KLHL29: variants seen among roughly 807,000 people sequenced by gnomAD.
KLHL29 encodes the protein kelch like family member 29, also known as kelch-like protein 29.
Under a neutral mutation model 80.4 loss-of-function variants are expected in KLHL29, and 21 were observed. The observed-to-expected ratio is 0.26, with a 90% confidence interval of 0.19 to 0.38. The LOEUF (loss-of-function observed/expected upper bound fraction) is 0.38. Ranked by LOEUF, KLHL29 falls within the 10% of genes least tolerant of loss-of-function variation. The pLI, the probability that KLHL29 is intolerant of heterozygous loss-of-function variation, is 1.00. For synonymous variants in KLHL29, 511 were observed against 526.8 expected (o/e 0.97, Z 0.41); for missense variants, 867 against 1,223.9 (o/e 0.71, Z 4.35).
At chr2:23,697,287 CTT>C (rs1672022565) in intron 11 of KLHL29, 1 of 152,214 alleles carries the variant, frequency 6.6e-6, no homozygotes, top group East Asian at 1.9e-4. Context: ...GGAGACTGTT[CTT>C]TCTTACAGAG....
At chr2:23,414,429 A>G (rs1379748663) in intron 1 of KLHL29, among the ~76,000 whole-genome samples, 1 of 152,240 alleles carries the variant, frequency 6.6e-6, no homozygotes, top group Non-Finnish European at 1.5e-5. Context: ...GTTAAAAGCA[A>G]GAAATTAACA....
chr2:23,626,663 G>A (rs1669315729), intron 3 of KLHL29, among the ~76,000 whole-genome samples: 1 of 152,242 alleles, frequency 6.6e-6, no homozygotes, highest in East Asian at 1.9e-4. Flanking sequence ...TAAGTGTGGG[G>A]TGGGAGGGGG....
At chr2:23,463,413 A>G (rs191972003) in intron 1 of KLHL29, among the ~76,000 whole-genome samples, 114 of 152,316 alleles carry the variant, frequency 7.5e-4, no homozygotes, top group Non-Finnish European at 1.4e-3. Context: ...GATATATTCG[A>G]TATCTTGAAT....
rs1664101298 is a variant in KLHL29 at position 23,457,870 on chromosome 2, A to T, written c.-153-17690A>T. ...CTACTAAAAATACAAAAAATTAGCC[A>T]GGCGTGGTGGCGGGCACCTGTAATC... On this transcript the variant is annotated intron_variant, in intron 1 of 13. Coordinates refer to ENST00000486442, the MANE Select transcript of KLHL29 (RefSeq NM_052920.2). The surrounding 1 kb of genome is among the most constrained non-coding windows in gnomAD (Gnocchi z 4.3). 6.6e-6 allele frequency among the ~76,000 whole-genome samples: 1 copy of T among 152,054 alleles called. No homozygotes were observed. The highest frequency in any genetic ancestry group is 2.4e-5 in the African/African-American group (1 of 41,402).
At chr2:23,421,765 T>G (rs35758471) in intron 1 of KLHL29, among the ~76,000 whole-genome samples, 71,584 of 151,130 alleles carry the variant, frequency 0.47, 17,969 homozygotes, top group African/African-American at 0.66. Context: ...TGTGTGTGTG[T>G]GTCTGTGTGC....
chr2:23,390,205 C>G (rs1287438715), intron 1 of KLHL29, among the ~76,000 whole-genome samples: 3 of 152,164 alleles, frequency 2.0e-5, no homozygotes, highest in Non-Finnish European at 2.9e-5. Flanking sequence ...TTTGTGAAAT[C>G]AATTTTATCG....
intron 2 of KLHL29, among the ~76,000 whole-genome samples, chr2:23,559,239 G>A (rs896501345): frequency 6.6e-6 from 1 of 152,198 alleles, no homozygotes; most frequent in Non-Finnish European, 1.5e-5. Flanking sequence ...TCTGGGGTAG[G>A]ACGGGATGAA....
At chr2:23,549,750 C>G (rs1030401573) in intron 2 of KLHL29, among the ~76,000 whole-genome samples, 4 of 152,142 alleles carry the variant, frequency 2.6e-5, no homozygotes, top group Non-Finnish European at 5.9e-5. Context: ...CCTCTAGTTC[C>G]CAAAGCCAAA....
At chr2:23,430,068 C>G (rs774411533) in intron 1 of KLHL29, among the ~76,000 whole-genome samples, 5 of 152,122 alleles carry the variant, frequency 3.3e-5, no homozygotes, top group African/African-American at 9.7e-5. Context: ...GGGATTTGAA[C>G]CCTTGCCGTG....
At chr2:23,585,453 G>A (rs940670381) in intron 3 of KLHL29, among the ~76,000 whole-genome samples, 1 of 152,210 alleles carries the variant, frequency 6.6e-6, no homozygotes, top group Admixed American at 6.5e-5. Context: ...TGGCCAGCGT[G>A]TTAACAGATG....
At chr2:23,414,334 G>A (rs1002399098) in intron 1 of KLHL29, among the ~76,000 whole-genome samples, 9 of 152,282 alleles carry the variant, frequency 5.9e-5, no homozygotes, top group African/African-American at 2.2e-4. Flanking sequence ...TGTGGGGGCC[G>A]CGCAGACGGA....
intron 2 of KLHL29, among the ~76,000 whole-genome samples, chr2:23,485,259 G>A (rs2103444695): frequency 6.6e-6 from 1 of 152,322 alleles, no homozygotes; most frequent in Admixed American, 6.5e-5. Context: ...GGGAGTCTTT[G>A]GTGGCAGGGA....
intron 2 of KLHL29, chr2:23,523,808 A>G (rs1364034279): frequency 2.9e-6 from 1 of 340,698 alleles, no homozygotes; most frequent in Non-Finnish European, 6.0e-6. Flanking sequence ...CAAGCCTGCC[A>G]GCCGGCCTTG....
At chr2:23,687,441 C>T (rs1442197777) in intron 6 of KLHL29, among the ~76,000 whole-genome samples, 2 of 152,226 alleles carry the variant, frequency 1.3e-5, no homozygotes, top group Non-Finnish European at 2.9e-5. Context: ...CCAGTGCAGA[C>T]GCCCTGCCCC....
At chr2:23,702,402 CTG>C (rs1672457718) in intron 11 of KLHL29, among the ~76,000 whole-genome samples, 2 of 152,182 alleles carry the variant, frequency 1.3e-5, no homozygotes, top group South Asian at 4.1e-4. Flanking sequence ...TTATTGAACA[CTG>C]TATATTACAT....
At chr2:23,390,342 A>G (rs1326704638) in intron 1 of KLHL29, among the ~76,000 whole-genome samples, 1 of 152,218 alleles carries the variant, frequency 6.6e-6, no homozygotes, top group East Asian at 1.9e-4. Context: ...GATGACTCAC[A>G]AGCTGGAACA....
Position 23,465,096 on chromosome 2 carries a change from T to C in KLHL29, c.-153-10464T>C, listed in dbSNP as rs547636072. Among the ~76,000 whole-genome samples, 53 of 152,298 alleles carry C rather than the reference T, an allele frequency of 3.5e-4. No homozygotes were observed. In the South Asian group the frequency reaches 8.1e-3, roughly 23 times the overall value. The stretch of plus-strand genomic sequence containing the variant: ...GCCGACAGATAGTAGATGATCCCAT[T>C]ACGAACACATTTGACACGGCCTCTA... On this transcript the variant is annotated intron_variant, in intron 1 of 13. Coordinates refer to ENST00000486442, the MANE Select transcript of KLHL29 (RefSeq NM_052920.2).
chr2:23,473,282 G>A (rs1378718715), intron 1 of KLHL29, among the ~76,000 whole-genome samples: 1 of 152,112 alleles, frequency 6.6e-6, no homozygotes, highest in South Asian at 2.1e-4. Flanking sequence ...CATGAGGGAT[G>A]CTCTCCATAC....
At chr2:23,621,532 GGAGGAGGAGGA>G (rs1669182184) in intron 3 of KLHL29, among the ~76,000 whole-genome samples, 1 of 151,724 alleles carries the variant, frequency 6.6e-6, no homozygotes, top group Non-Finnish European at 1.5e-5. Context: ...GAGCTCAGGA[GGAGGAGGAGGA>G]GATGAGGGGG....
Sources: gnomAD v4.1 joint callset for allele counts (sites outside exome capture counted in the v4.1 genomes callset) on GRCh38, gnomAD v4.1.1 for gene constraint, Gnocchi (gnomAD v3.1) non-coding constraint, MANE v1.5 for transcripts, NCBI Gene and HGNC (gene_info 2026-07-23, HGNC 2026-07-21) for gene names.